The following UNC13C variants were observed in gnomAD, a reference collection of about 807,000 sequenced individuals.
UNC13C encodes unc-13 homolog C.
UNC13C carries 174 observed loss-of-function variants against 245.4 expected under a neutral mutation model. The ratio of observed to expected loss-of-function variants is 0.71; its 90% CI spans 0.63 to 0.80. The LOEUF (loss-of-function observed/expected upper bound fraction) is 0.80, where lower values mean the gene tolerates loss of function less well. Ranked by LOEUF, UNC13C falls within the 30% of genes least tolerant of loss-of-function variation. The pLI, the probability that UNC13C is intolerant of heterozygous loss-of-function variation, is 0.00. For missense variants in UNC13C, 2,829 were observed against 2,602.9 expected (o/e 1.09, Z -1.89); for synonymous variants, 992 against 895.1 (o/e 1.11, Z -1.93).
chr15:54,403,234 C>T (rs1235464224), intron 18 of UNC13C, among the ~76,000 whole-genome samples: 1 of 152,098 alleles, frequency 6.6e-6, no homozygotes, highest in African/African-American at 2.4e-5. Context: ...TTTTCATTGT[C>T]TTATGCAATG....
the UNC13C span, among the ~76,000 whole-genome samples, chr15:53,926,377 T>G: frequency 6.6e-6 from 1 of 152,198 alleles, no homozygotes; most frequent in South Asian, 2.1e-4. Context: ...CATGTGAGAA[T>G]AATTATTTTT....
intron 7 of UNC13C, among the ~76,000 whole-genome samples, chr15:54,242,530 C>T (rs913727239): frequency 2.0e-5 from 3 of 152,046 alleles, no homozygotes; most frequent in Non-Finnish European, 4.4e-5. Flanking sequence ...AAAATTAAAA[C>T]TGCAGGAAAT....
At chr15:54,032,951 A>G (rs1452199749) in intron 2 of UNC13C, among the ~76,000 whole-genome samples, 1 of 152,174 alleles carries the variant, frequency 6.6e-6, no homozygotes, top group Admixed American at 6.5e-5. Flanking sequence ...GGAAAGGCAT[A>G]AGAATGATAC....
chr15:54,116,908 C>T (rs181247876), intron 2 of UNC13C, among the ~76,000 whole-genome samples: 2 of 152,204 alleles, frequency 1.3e-5, no homozygotes, highest in East Asian at 3.9e-4. Context: ...TGATGGTTCC[C>T]CTTTCTCCAT....
At chr15:54,010,882 C>T (rs924775164) in intron 1 of UNC13C, among the ~76,000 whole-genome samples, 1 of 151,894 alleles carries the variant, frequency 6.6e-6, no homozygotes, top group Non-Finnish European at 1.5e-5. Context: ...ATTATGATGA[C>T]ATTATTGAGA....
chr15:54,401,843 A>G (rs949065425), intron 18 of UNC13C, among the ~76,000 whole-genome samples: 5 of 152,106 alleles, frequency 3.3e-5, no homozygotes, highest in Non-Finnish European at 5.9e-5. Context: ...ACTCCAGTAG[A>G]CAGAGTTCAG....
chr15:54,512,286 T>C, intron 24 of UNC13C: 1 of 453,400 alleles, frequency 2.2e-6, no homozygotes, highest in Non-Finnish European at 4.4e-6. Context: ...ATGTGTTGTG[T>C]GATGTGTCTG....
intron 14 of UNC13C, among the ~76,000 whole-genome samples, chr15:54,330,901 A>G (rs1043289369): frequency 3.9e-5 from 6 of 152,128 alleles, no homozygotes; most frequent in African/African-American, 1.4e-4. Flanking sequence ...AGGCTCCTTT[A>G]TTGCCTCCAC....
chr15:54,181,062 C>A (rs931408908), intron 4 of UNC13C, among the ~76,000 whole-genome samples: 2 of 151,896 alleles, frequency 1.3e-5, no homozygotes, highest in Non-Finnish European at 2.9e-5. Context: ...GTCATAAATT[C>A]TTTCCCAAGG....
chr15:54,042,824 G>T (rs570996862), intron 2 of UNC13C, among the ~76,000 whole-genome samples: 1 of 152,096 alleles, frequency 6.6e-6, no homozygotes, highest in South Asian at 2.1e-4. Context: ...CTGCACTCCA[G>T]CCTGGGTGAC....
intron 2 of UNC13C, among the ~76,000 whole-genome samples, chr15:54,067,034 G>A (rs1172167029): frequency 6.6e-6 from 1 of 151,992 alleles, no homozygotes; most frequent in Non-Finnish European, 1.5e-5. Context: ...CAGTCTTTTA[G>A]CTTATAGCCC....
chr15:54,044,140 T>A (rs1361568841), intron 2 of UNC13C, among the ~76,000 whole-genome samples: 1 of 152,182 alleles, frequency 6.6e-6, no homozygotes, highest in Admixed American at 6.5e-5. Context: ...GGAGTTGCCT[T>A]TTCTGAACCT....
chr15:54,620,718 C>G (rs913284761), intron 30 of UNC13C, among the ~76,000 whole-genome samples: 1 of 149,664 alleles, frequency 6.7e-6, no homozygotes, highest in Non-Finnish European at 1.5e-5. Flanking sequence ...CCCTACAAGT[C>G]GAGCCTAGAG....
intron 17 of UNC13C, among the ~76,000 whole-genome samples, chr15:54,384,603 G>A (rs2039797375): frequency 6.6e-6 from 1 of 151,942 alleles, no homozygotes; most frequent in African/African-American, 2.4e-5. Flanking sequence ...TCTTTCTAGG[G>A]AAAGATTTTA....
chr15:54,530,317 T>TA (rs954630824), intron 25 of UNC13C, among the ~76,000 whole-genome samples: 3 of 152,192 alleles, frequency 2.0e-5, no homozygotes, highest in Non-Finnish European at 4.4e-5. Context: ...CATGTGTGTG[T>TA]ACTGAGAACA....
At chr15:54,147,510 C>T (rs144982906) in intron 4 of UNC13C, among the ~76,000 whole-genome samples, 123 of 152,292 alleles carry the variant, frequency 8.1e-4, no homozygotes, top group African/African-American at 2.6e-3. Flanking sequence ...TGAGCCACTG[C>T]GCCCAGCCTG....
chr15:54,218,728 T>G (rs2035121674), intron 4 of UNC13C, among the ~76,000 whole-genome samples: 1 of 151,804 alleles, frequency 6.6e-6, no homozygotes, highest in Non-Finnish European at 1.5e-5. Context: ...ATCCAAAAAA[T>G]GGGCTGGAGA....
chr15:54,631,178 T>G (rs577789245), downstream of UNC13C: 2 of 150,576 alleles, frequency 1.3e-5, no homozygotes, highest in African/African-American at 5.0e-5. Flanking sequence ...AAGCCCCATC[T>G]CTACAAAAAA....
At chr15:53,936,490 C>T in the UNC13C span, among the ~76,000 whole-genome samples, 1 of 152,202 alleles carries the variant, frequency 6.6e-6, no homozygotes, top group Non-Finnish European at 1.5e-5. Context: ...AGGGGTGTTT[C>T]CCCCAGTGCA....
Sources: allele counts gnomAD v4.1 joint callset (sites outside exome capture counted in the v4.1 genomes callset), GRCh38; gene constraint gnomAD v4.1.1; transcripts MANE v1.5; gene names NCBI Gene and HGNC (gene_info 2026-07-23, HGNC 2026-07-21).